NUDT19: variants seen among roughly 807,000 people sequenced by gnomAD.
NUDT19 encodes the protein nudix hydrolase 19, also known as acyl-coenzyme A diphosphatase NUDT19.
Under a neutral mutation model 22.2 loss-of-function variants are expected in NUDT19, and 31 were observed. The observed-to-expected ratio is 1.40, with a 90% CI of 1.05 to 1.89. NUDT19 has a LOEUF of 1.89. NUDT19 is among the 40% of genes most tolerant of loss of function. The pLI, the probability that NUDT19 is intolerant of heterozygous loss-of-function variation, is 0.00. For synonymous variants in NUDT19, 325 were observed against 230.8 expected (o/e 1.41, Z -3.70); for missense variants, 752 against 514.2 (o/e 1.46, Z -4.47).
At chr19:32,702,502 A>G (rs1968346148) in intron 1 of NUDT19, among the ~76,000 whole-genome samples, 2 of 152,188 alleles carry the variant, frequency 1.3e-5, no homozygotes, top group South Asian at 4.1e-4. Flanking sequence ...GAACCCTCAC[A>G]CAGGTGGAGA....
chr19:32,702,384 C>T (rs950156526), intron 1 of NUDT19, among the ~76,000 whole-genome samples: 3 of 152,130 alleles, frequency 2.0e-5, no homozygotes, highest in East Asian at 1.9e-4. Flanking sequence ...TAAAGGTAAG[C>T]GGACTAGGCT....
chr19:32,693,235 G>A (rs747518216), intron 1 of NUDT19, among the ~76,000 whole-genome samples: 20 of 152,162 alleles, frequency 1.3e-4, no homozygotes, highest in African/African-American at 3.1e-4. Flanking sequence ...CAGATGTTCA[G>A]ATGTGTCTGG....
At chr19:32,692,805 G>C in intron 1 of NUDT19, 131 bp downstream of exon 1, 6 of 624,556 alleles carry the variant, frequency 9.6e-6, no homozygotes, top group Non-Finnish European at 1.5e-5. Flanking sequence ...GGAACGCTTA[G>C]ACGGGCTGGA....
chr19:32,694,849 A>G (rs1181351721), intron 1 of NUDT19, among the ~76,000 whole-genome samples: 1 of 152,222 alleles, frequency 6.6e-6, no homozygotes, highest in East Asian at 1.9e-4. Flanking sequence ...ATTTGAGCAG[A>G]CCAATTATTA....
chr19:32,707,281 A>T (rs1968396493), intron 1 of NUDT19, among the ~76,000 whole-genome samples: 1 of 152,126 alleles, frequency 6.6e-6, no homozygotes, highest in Non-Finnish European at 1.5e-5. Flanking sequence ...TGGTCCTTTG[A>T]GGCCCAGGGC....
chr19:32,692,668 C>G lies in NUDT19; in HGVS notation c.708C>G (p.Gly236=), dbSNP rs1324953695. The change falls in exon 1 of 3, where the codon GGC becomes GGG. Residue 236 remains glycine, a synonymous_variant. Coordinates refer to ENST00000397061, the MANE Select transcript of NUDT19 (RefSeq NM_001105570.2). The part of the protein sequence containing the change: ...PVYPDLAEVV[G]YQWSSPSEAT... ...ACCCCGACTTGGCGGAGGTGGTGGGCTACCAGGTAAGGCCTGCTCAGGGCC... is the reference window on the plus strand; with the variant it reads ...ACCCCGACTTGGCGGAGGTGGTGGGGTACCAGGTAAGGCCTGCTCAGGGCC... The G allele has an allele frequency of 6.6e-7, 1 of 1,506,260 alleles. No individual in the cohort carries two copies. The highest frequency in any genetic ancestry group is 8.8e-7 in the Non-Finnish European group (1 of 1,134,836). The allele number at this position is 1,506,260 out of a possible 1,614,324, so 93.3% of individuals were successfully genotyped here. A position where few individuals can be genotyped will look rare whatever the true frequency, so the allele number is the denominator to read the frequency against.
chr19:32,692,710 G>T, intron 1 of NUDT19, 36 bp downstream of exon 1: 1 of 1,405,338 alleles, frequency 7.1e-7, no homozygotes, highest in East Asian at 2.7e-5. Context: ...CGGACCGCCA[G>T]GACGTGAGAG....
At chr19:32,693,009 T>G (rs1968219024) in intron 1 of NUDT19, among the ~76,000 whole-genome samples, 1 of 149,544 alleles carries the variant, frequency 6.7e-6, no homozygotes, top group African/African-American at 2.5e-5. Flanking sequence ...GAGAACAGAC[T>G]TAATATGATC....
rs1016791861 is a variant in NUDT19, at chr19:32,692,433, T to G, written c.473T>G (p.Leu158Arg). 6.4e-7 allele frequency: 1 copy of G among 1,551,420 alleles called. No individual in the cohort carries two copies. The highest frequency in any genetic ancestry group is 1.4e-5 in the African/African-American group (1 of 71,650). Residue 158 changes from leucine to arginine, a missense_variant, in exon 1 of 3, where the codon CTG becomes CGG. Leu to Arg is a moderately radical substitution (Grantham distance 102, BLOSUM62 -2). Transcript: ENST00000397061. ...PGPAPGPGLA[L>R]EPPPGLASWR... ...CCAGCACCCGGGCCTGGCCTCGCCC[T>G]GGAGCCACCGCCGGGCCTGGCCTCC...
At position 32,692,073 on chromosome 19, in the gene NUDT19, C is replaced by G. The variant is rs965180843; in HGVS notation, c.113C>G (p.Pro38Arg). 2 of 1,301,298 alleles carry G rather than the reference C, an allele frequency of 1.5e-6. No homozygotes were observed. The highest frequency in any genetic ancestry group is 2.4e-5 in the South Asian group (1 of 41,618). 80.6% of individuals were successfully genotyped at this position (1,301,298 alleles called of 1,614,324 possible). ...GCCACCCCGCCGTCGCGCCCGCCGC[C>G]GGCCGAGGGCTTCCGGCTGCTGCTG... Reference protein sequence around the residue: ...ETATPPSRPPPAEGFRLLLLQ... With the variant: ...ETATPPSRPPRAEGFRLLLLQ... The change falls in exon 1 of 3, where the codon CCG (proline) becomes CGG (arginine). Residue 38 changes from proline (P) to arginine (R), a missense_variant. By Grantham distance (103) the Pro-to-Arg change is moderately radical. Transcript: ENST00000397061.
chr19:32,694,361 G>A (rs190091279), intron 1 of NUDT19, among the ~76,000 whole-genome samples: 1 of 152,340 alleles, frequency 6.6e-6, no homozygotes, highest in Non-Finnish European at 1.5e-5. Context: ...CAGTGAGGAG[G>A]TCTAGGCCTC....
intron 1 of NUDT19, among the ~76,000 whole-genome samples, chr19:32,700,454 C>G (rs1968322559): frequency 6.6e-6 from 1 of 152,126 alleles, no homozygotes; most frequent in African/African-American, 2.4e-5. Context: ...ATTTACAAAC[C>G]TTTAGCTAGA....
At chr19:32,701,797 C>G (rs147595479) in intron 1 of NUDT19, among the ~76,000 whole-genome samples, 60 of 152,248 alleles carry the variant, frequency 3.9e-4, no homozygotes, top group African/African-American at 1.4e-3. Flanking sequence ...CTCTGACTTT[C>G]TTTTGATTCA....
In NUDT19 at chr19:32,711,948, C is replaced by T; in HGVS notation, c.1119C>T (p.Ser373=). 6.8e-6 allele frequency: 11 copies of T among 1,611,018 alleles called. No homozygotes were observed. The highest frequency in any genetic ancestry group is 9.3e-6 in the Non-Finnish European group (11 of 1,177,346). ...VYPKNSVVRK[S]HL ...CTAAGAACTCTGTAGTAAGAAAAAG[C>T]CATTTGTAGGGTGCTTAAGCTTGTT... Residue 373 remains serine, a synonymous_variant, in exon 3 of 3, where the codon AGC becomes AGT. Coordinates refer to ENST00000397061, the MANE Select transcript of NUDT19 (RefSeq NM_001105570.2).
chr19:32,701,199 G>GTTTTTTT (rs3042685), intron 1 of NUDT19, among the ~76,000 whole-genome samples: 2 of 101,032 alleles, frequency 2.0e-5, no homozygotes, highest in Non-Finnish European at 1.8e-5. Context: ...CATCTTGCAG[G>GTTTTTTT]TTTTTTTTTT....
chr19:32,692,297 G>A lies in NUDT19; in HGVS notation c.337G>A (p.Asp113Asn), dbSNP rs763532363. 4.4e-6 allele frequency: 7 copies of A among 1,593,146 alleles called. No homozygotes were observed. Among genetic ancestry groups the A allele is most frequent in the East Asian group, 2.3e-5 (1 of 44,322 alleles). Residue 113 changes from aspartate to asparagine, a missense_variant, in exon 1 of 3, where the codon GAC (aspartate) becomes AAC (asparagine). Physicochemically the swap from Asp to Asn is conservative, Grantham distance 23 (BLOSUM62 1). Transcript: ENST00000397061. ...SLPDTDDHKT[D>N]NTGTLPEDVA... ...GCCCGACACCGATGACCACAAGACC[G>A]ACAACACTGGGACGCTGCCTGAGGA...
chr19:32,692,849 T>C (rs985686845), intron 1 of NUDT19, among the ~76,000 whole-genome samples, 175 bp downstream of exon 1: 1 of 152,202 alleles, frequency 6.6e-6, no homozygotes, highest in African/African-American at 2.4e-5. Context: ...GCCATGCTCT[T>C]GGTGAAGTGC....
chr19:32,707,429 C>T (rs758353578), intron 1 of NUDT19, among the ~76,000 whole-genome samples: 13 of 152,270 alleles, frequency 8.5e-5, no homozygotes, highest in Admixed American at 2.6e-4. Flanking sequence ...TAAGCATGTA[C>T]GAGCTTGCAA....
intron 2 of NUDT19, 139 bp downstream of exon 2, chr19:32,709,531 A>C: frequency 1.5e-6 from 1 of 661,204 alleles, no homozygotes; most frequent in Non-Finnish European, 2.6e-6. Context: ...GTAAGATCAA[A>C]GCCTATAAAA....
Sources: gnomAD v4.1 joint callset for allele counts (sites outside exome capture counted in the v4.1 genomes callset) on GRCh38, gnomAD v4.1.1 for gene constraint, MANE v1.5 for transcripts, NCBI Gene and HGNC (gene_info 2026-07-23, HGNC 2026-07-21) for gene names.